The following SYNDIG1 variants were observed in gnomAD, a reference collection of about 807,000 sequenced individuals.
SYNDIG1 encodes the protein synapse differentiation inducing 1, also known as synapse differentiation-inducing gene protein 1.
A neutral mutation model predicts 19.4 loss-of-function variants in SYNDIG1; 9 were observed. That is an observed-to-expected ratio of 0.46 (90% CI 0.28 to 0.81). SYNDIG1 has a LOEUF of 0.81. Ranked by LOEUF, SYNDIG1 falls within the 30% of genes least tolerant of loss-of-function variation. The pLI is 0.12. For synonymous variants in SYNDIG1, 141 were observed against 145.9 expected (o/e 0.97, Z 0.24); for missense variants, 311 against 343.3 (o/e 0.91, Z 0.74).
At chr20:24,616,726 G>A (rs2058940796) in intron 3 of SYNDIG1, among the ~76,000 whole-genome samples, 1 of 152,224 alleles carries the variant, frequency 6.6e-6, no homozygotes, top group Non-Finnish European at 1.5e-5. Flanking sequence ...TTCACACCTG[G>A]AGAGCAACTG....
intron 2 of SYNDIG1, among the ~76,000 whole-genome samples, chr20:24,550,418 A>G (rs1454732473): frequency 4.6e-5 from 7 of 151,976 alleles, no homozygotes; most frequent in Non-Finnish European, 1.0e-4. Context: ...TGGGTGTTCA[A>G]TTCGTCAGGT....
At chr20:24,599,096 A>G (rs4815282) in intron 3 of SYNDIG1, among the ~76,000 whole-genome samples, 28,626 of 152,182 alleles carry the variant, frequency 0.19, 3,570 homozygotes, top group Admixed American at 0.34. Context: ...GACATCTCAC[A>G]AGGGATTAAT....
intron 2 of SYNDIG1, among the ~76,000 whole-genome samples, chr20:24,549,467 G>T (rs1262549443): frequency 6.6e-6 from 1 of 152,130 alleles, no homozygotes; most frequent in South Asian, 2.1e-4. Context: ...CTTGCAGGAC[G>T]TGGGGTGGGT....
intron 1 of SYNDIG1, among the ~76,000 whole-genome samples, chr20:24,481,699 C>G (rs1480472568): frequency 6.6e-6 from 1 of 152,116 alleles, no homozygotes; most frequent in Non-Finnish European, 1.5e-5. Flanking sequence ...ACAGAGAGCT[C>G]TGAAACAGAT....
intron 3 of SYNDIG1, among the ~76,000 whole-genome samples, chr20:24,649,842 C>T (rs1238230097): frequency 6.6e-6 from 1 of 152,208 alleles, no homozygotes; most frequent in African/African-American, 2.4e-5. Context: ...TATCATATTT[C>T]ACAGATAAAC....
At chr20:24,628,926 GC>G (rs1600790364) in intron 3 of SYNDIG1, among the ~76,000 whole-genome samples, 1 of 152,164 alleles carries the variant, frequency 6.6e-6, no homozygotes, top group African/African-American at 2.4e-5. Flanking sequence ...GCTTTCTAAA[GC>G]CCCCCATATG....
At chr20:24,525,247 C>A (rs965190129) in intron 1 of SYNDIG1, among the ~76,000 whole-genome samples, 5 of 147,812 alleles carry the variant, frequency 3.4e-5, no homozygotes, top group African/African-American at 1.2e-4. Flanking sequence ...AGAAAATGAT[C>A]TGTAAGATAC....
intron 1 of SYNDIG1, among the ~76,000 whole-genome samples, chr20:24,509,304 C>T (rs971289242): frequency 1.3e-5 from 2 of 152,176 alleles, no homozygotes; most frequent in Non-Finnish European, 2.9e-5. Flanking sequence ...TGTCTACTGG[C>T]TTATATTTTA....
At chr20:24,544,470 A>T (rs1013701552) in intron 2 of SYNDIG1, among the ~76,000 whole-genome samples, 2 of 152,154 alleles carry the variant, frequency 1.3e-5, no homozygotes, top group Non-Finnish European at 2.9e-5. Context: ...AGGGGAAGGG[A>T]TGTCTGTTTT....
chr20:24,586,305 G>T (rs568973849), intron 3 of SYNDIG1, among the ~76,000 whole-genome samples: 1 of 152,206 alleles, frequency 6.6e-6, no homozygotes, highest in South Asian at 2.1e-4. Flanking sequence ...TTGAGCGTCT[G>T]TCGGAGCTTC....
intron 2 of SYNDIG1, among the ~76,000 whole-genome samples, chr20:24,553,465 T>C (rs1488001174): frequency 6.6e-6 from 1 of 152,238 alleles, no homozygotes; most frequent in Non-Finnish European, 1.5e-5. Context: ...AAGTCCTTAA[T>C]CCATCTTGAA....
intron 3 of SYNDIG1, among the ~76,000 whole-genome samples, chr20:24,636,058 A>G (rs1190733213): frequency 6.6e-6 from 1 of 152,162 alleles, no homozygotes; most frequent in Non-Finnish European, 1.5e-5. Flanking sequence ...CTGCTTGTTC[A>G]CTGTTGTCTG....
At chr20:24,492,019 G>A (rs1191043719) in intron 1 of SYNDIG1, among the ~76,000 whole-genome samples, 2 of 152,242 alleles carry the variant, frequency 1.3e-5, no homozygotes, top group African/African-American at 2.4e-5. Flanking sequence ...TGTGCCCTAG[G>A]CAGAGCCAGG....
chr20:24,630,411 C>T (rs2059222695), intron 3 of SYNDIG1, among the ~76,000 whole-genome samples: 1 of 152,176 alleles, frequency 6.6e-6, no homozygotes, highest in Non-Finnish European at 1.5e-5. Context: ...CTCCTTCCCA[C>T]CTAGATATTT....
chr20:24,494,745 C>T (rs2056252996), intron 1 of SYNDIG1, among the ~76,000 whole-genome samples: 1 of 152,192 alleles, frequency 6.6e-6, no homozygotes, highest in Admixed American at 6.5e-5. Flanking sequence ...CCCAGAGGAA[C>T]CCCTGCTGTG....
At chr20:24,471,767 G>A (rs2055471063) in intron 1 of SYNDIG1, among the ~76,000 whole-genome samples, 1 of 152,096 alleles carries the variant, frequency 6.6e-6, no homozygotes, top group Admixed American at 6.5e-5. Flanking sequence ...GAGTTTTGGA[G>A]GCCACAGAGT....
At chr20:24,516,763 T>C (rs530780934) in intron 1 of SYNDIG1, among the ~76,000 whole-genome samples, 3 of 152,352 alleles carry the variant, frequency 2.0e-5, no homozygotes, top group African/African-American at 7.2e-5. Flanking sequence ...AGTATGGCGA[T>C]TCCTCAAGGA....
chr20:24,604,588 C>A (rs1182534069), intron 3 of SYNDIG1, among the ~76,000 whole-genome samples: 2 of 152,160 alleles, frequency 1.3e-5, no homozygotes, highest in African/African-American at 2.4e-5. Flanking sequence ...AGGGGAGGGA[C>A]CCTCAGTTCT....
At chr20:24,477,198 C>T (rs1019300851) in intron 1 of SYNDIG1, among the ~76,000 whole-genome samples, 9 of 152,346 alleles carry the variant, frequency 5.9e-5, no homozygotes, top group Non-Finnish European at 7.3e-5. Context: ...ATCTCAGCAA[C>T]GGTTCTCTCT....
Sources: allele counts gnomAD v4.1 joint callset (sites outside exome capture counted in the v4.1 genomes callset), GRCh38; gene constraint gnomAD v4.1.1; transcripts MANE v1.5; gene names NCBI Gene and HGNC (gene_info 2026-07-23, HGNC 2026-07-21).